Variants in KHDRBS2 observed in about 807,000 individuals in gnomAD.
The protein encoded by KHDRBS2 is KH RNA binding domain containing, signal transduction associated 2.
In KHDRBS2, 26 loss-of-function variants were observed where a neutral mutation model predicts 44.3. That is an observed-to-expected ratio of 0.59 (90% confidence interval 0.43 to 0.81). KHDRBS2 has a LOEUF of 0.81. Among genes scored for constraint, KHDRBS2 ranks in the 40% least tolerant of loss-of-function variants. The probability of loss-of-function intolerance (pLI) is 0.00; values close to 1 mark genes in which losing one functional copy is unlikely to be tolerated. For synonymous variants in KHDRBS2, 194 were observed against 151.1 expected, an observed-to-expected ratio of 1.28 and a Z score of -2.08; for missense variants, 476 against 433.1, an observed-to-expected ratio of 1.10 and a Z score of -0.88.
At chr6:61,627,668 G>A in the KHDRBS2 span, among the ~76,000 whole-genome samples, 2 of 152,172 alleles carry the variant, frequency 1.3e-5, no homozygotes, top group African/African-American at 2.4e-5. Context: ...TTTCTGGTTG[G>A]TGATACACAT....
intron 2 of KHDRBS2, among the ~76,000 whole-genome samples, chr6:62,083,533 G>A (rs892911853): frequency 6.6e-5 from 10 of 152,168 alleles, no homozygotes; most frequent in Admixed American, 3.3e-4. Flanking sequence ...AACTAAAGGA[G>A]CACATTGTAA....
At chr6:62,031,777 C>T (rs1455098708) in intron 3 of KHDRBS2, among the ~76,000 whole-genome samples, 1 of 152,052 alleles carries the variant, frequency 6.6e-6, no homozygotes, top group Admixed American at 6.6e-5. Flanking sequence ...CCAGTTGATA[C>T]TTCTGCACCC....
the KHDRBS2 span, among the ~76,000 whole-genome samples, chr6:61,554,764 T>C: frequency 3.9e-5 from 6 of 152,202 alleles, no homozygotes; most frequent in African/African-American, 1.4e-4. Flanking sequence ...TCTTCACTTA[T>C]GAAGCTTACT....
At chr6:61,820,320 G>T (rs1472779378) in intron 6 of KHDRBS2, among the ~76,000 whole-genome samples, 1 of 151,994 alleles carries the variant, frequency 6.6e-6, no homozygotes, top group Non-Finnish European at 1.5e-5. Context: ...GATGCGTTTT[G>T]TAAGTGTAAC....
intron 4 of KHDRBS2, among the ~76,000 whole-genome samples, chr6:61,949,164 T>G (rs1333777492): frequency 6.6e-6 from 1 of 152,144 alleles, no homozygotes; most frequent in Non-Finnish European, 1.5e-5. Flanking sequence ...TAATTATGTT[T>G]AAGTAGGGGT....
chr6:61,688,809 G>T (rs936403916), intron 8 of KHDRBS2, among the ~76,000 whole-genome samples: 6 of 151,854 alleles, frequency 4.0e-5, no homozygotes, highest in African/African-American at 1.4e-4. Context: ...AAAGATCTTA[G>T]TTAGTCTTTG....
intron 8 of KHDRBS2, among the ~76,000 whole-genome samples, chr6:61,687,686 A>G (rs1469287537): frequency 6.6e-6 from 1 of 151,862 alleles, no homozygotes; most frequent in Non-Finnish European, 1.5e-5. Flanking sequence ...CTTTATGTAT[A>G]TACCTAATTT....
At chr6:61,599,858 G>A in the KHDRBS2 span, among the ~76,000 whole-genome samples, 6 of 152,202 alleles carry the variant, frequency 3.9e-5, no homozygotes, top group Non-Finnish European at 7.3e-5. Flanking sequence ...GCAGAGACCA[G>A]TAAAGAGTGC....
At position 62,285,897 on chromosome 6, in the gene KHDRBS2, C is replaced by A; in HGVS notation, c.52G>T (p.Asp18Tyr). Reference sequence around the variant, plus strand: ...CGCGACGCATGCACAAAAGATGGATCCAGGCTATCTTTCTCTGCCATCAGC... The same window carrying A: ...CGCGACGCATGCACAAAAGATGGATACAGGCTATCTTTCTCTGCCATCAGC... ...PELMAEKDSLDPSFVHASRLL... is the reference protein window; with the variant it reads ...PELMAEKDSLYPSFVHASRLL... Residue 18 changes from aspartate to tyrosine, a missense_variant, in exon 1 of 9, where the codon GAT (aspartate) becomes TAT (tyrosine). Transcript: ENST00000281156. The A allele has an allele frequency of 6.2e-7, 1 of 1,613,498 alleles. No individual in the cohort carries two copies. Among genetic ancestry groups the A allele is most frequent in the Non-Finnish European group, 8.5e-7 (1 of 1,179,744 alleles).
chr6:61,575,602 C>G, the KHDRBS2 span, among the ~76,000 whole-genome samples: 10 of 152,296 alleles, frequency 6.6e-5, no homozygotes, highest in East Asian at 1.7e-3. Context: ...AGTCTCACTA[C>G]TGGGTATCTA....
intron 7 of KHDRBS2, among the ~76,000 whole-genome samples, chr6:61,720,246 A>G (rs569698743): frequency 3.0e-4 from 46 of 152,320 alleles, no homozygotes; most frequent in Admixed American, 2.9e-3. Context: ...ATACGTGTGC[A>G]TGTGTCTTTG....
intron 8 of KHDRBS2, among the ~76,000 whole-genome samples, chr6:61,693,878 A>G (rs988734477): frequency 1.8e-4 from 27 of 152,162 alleles, no homozygotes; most frequent in African/African-American, 6.0e-4. Context: ...TAACCCTTGC[A>G]TCTCCATTAA....
At chr6:61,550,472 T>C in the KHDRBS2 span, among the ~76,000 whole-genome samples, 3 of 152,192 alleles carry the variant, frequency 2.0e-5, no homozygotes, top group African/African-American at 7.2e-5. Flanking sequence ...CATATCTTTG[T>C]TATTGTGATA....
chr6:61,806,490 T>C (rs1429642452), intron 6 of KHDRBS2, among the ~76,000 whole-genome samples: 1 of 152,166 alleles, frequency 6.6e-6, no homozygotes, highest in African/African-American at 2.4e-5. Flanking sequence ...GAATCAAAAT[T>C]GCTTTGCCAA....
At chr6:61,828,901 G>A (rs1028598257) in intron 6 of KHDRBS2, among the ~76,000 whole-genome samples, 1 of 152,188 alleles carries the variant, frequency 6.6e-6, no homozygotes, top group African/African-American at 2.4e-5. Flanking sequence ...ATTAACAAAT[G>A]AACCTTAAGT....
chr6:61,872,240 A>G (rs551089766), intron 6 of KHDRBS2, among the ~76,000 whole-genome samples: 3 of 152,278 alleles, frequency 2.0e-5, no homozygotes, highest in South Asian at 4.1e-4. Context: ...AATTAAAGCA[A>G]TCTTAGTTCC....
chr6:62,038,002 G>A (rs974034808), intron 3 of KHDRBS2, among the ~76,000 whole-genome samples: 6 of 151,938 alleles, frequency 3.9e-5, no homozygotes, highest in African/African-American at 1.4e-4. Flanking sequence ...ATACATAAAT[G>A]TGTTTCCTTT....
intron 1 of KHDRBS2, among the ~76,000 whole-genome samples, chr6:62,240,675 TA>T: frequency 4.9e-5 from 1 of 20,370 alleles, no homozygotes; most frequent in Non-Finnish European, 1.0e-4. Context: ...TGTGTGTGTA[TA>T]TATATATATA....
the KHDRBS2 span, among the ~76,000 whole-genome samples, chr6:61,565,246 A>T: frequency 6.6e-6 from 1 of 152,148 alleles, no homozygotes; most frequent in East Asian, 1.9e-4. Context: ...TGCTTAGGAC[A>T]TTGATGTGGC....
Sources: gnomAD v4.1 joint callset for allele counts (sites outside exome capture counted in the v4.1 genomes callset) on GRCh38, gnomAD v4.1.1 for gene constraint, MANE v1.5 for transcripts, NCBI Gene and HGNC (gene_info 2026-07-23, HGNC 2026-07-21) for gene names.